Variants in BTBD7 observed in about 807,000 individuals in gnomAD.
BTBD7 encodes the protein BTB/POZ domain-containing protein 7.
In BTBD7, 38 loss-of-function variants were observed where a neutral mutation model predicts 99.9. The ratio of observed to expected loss-of-function variants is 0.38; its 90% CI spans 0.29 to 0.50. The LOEUF is 0.50. Ranked by LOEUF, BTBD7 falls within the 20% of genes least tolerant of loss-of-function variation. The pLI is 0.93. For synonymous variants in BTBD7, 520 were observed against 511.4 expected (o/e 1.02, Z -0.23); for missense variants, 1,170 against 1,394.6 (o/e 0.84, Z 2.57).
chr14:93,266,535 A>G (rs955301530), intron 3 of BTBD7, among the ~76,000 whole-genome samples: 1 of 152,218 alleles, frequency 6.6e-6, no homozygotes, highest in African/African-American at 2.4e-5. Context: ...GGAAACAGAC[A>G]GATGTTAAAA....
intron 4 of BTBD7, among the ~76,000 whole-genome samples, chr14:93,262,408 T>C (rs1461958533): frequency 6.6e-6 from 1 of 152,082 alleles, no homozygotes. Context: ...GGCTAATTTT[T>C]TTTTAAATTT....
chr14:93,289,363 CTCTGTCTTTTTAGT>C (rs1265344958), intron 3 of BTBD7, among the ~76,000 whole-genome samples: 1 of 152,238 alleles, frequency 6.6e-6, no homozygotes, highest in Non-Finnish European at 1.5e-5. Context: ...TTAAAATCAA[CTCTGTCTTTTTAGT>C]TCTATGCTAT....
Position 93,248,610 on chromosome 14 carries a change from C to T in BTBD7, c.1987G>A (p.Glu663Lys). The T allele has an allele frequency of 6.2e-7, 1 of 1,613,514 alleles. No homozygotes were observed. The highest frequency in any genetic ancestry group is 2.2e-5 in the East Asian group (1 of 44,884). ...TGCACCTGCTCCGTGTGCCGCAGTT[C>T]CTGCAGTCGTCTGACCATGTCTTTC... ...IMKDMVRRLQ[E>K]LRHTEQVQRA... Residue 663 changes from glutamate (E) to lysine (K), a missense_variant, in exon 9 of 11, where the codon GAA becomes AAA. This residue lies in a region of BTBD7 where 309 missense variants were observed against 342.0 expected (regional missense o/e 0.90). Coordinates refer to ENST00000334746, the MANE Select transcript of BTBD7 (RefSeq NM_001002860.4).
chr14:93,257,088 A>G, intron 6 of BTBD7, 107 bp downstream of exon 6: 1 of 1,119,150 alleles, frequency 8.9e-7, no homozygotes, highest in Non-Finnish European at 1.3e-6. Flanking sequence ...TCACAGAATT[A>G]CAGCTTCACA....
chr14:93,318,029 G>C (rs1297054378), intron 1 of BTBD7, among the ~76,000 whole-genome samples: 1 of 152,132 alleles, frequency 6.6e-6, no homozygotes, highest in African/African-American at 2.4e-5. Flanking sequence ...TTGCCCCATG[G>C]GCATTTTCGC....
At chr14:93,324,306 G>T (rs1413975741) in intron 1 of BTBD7, among the ~76,000 whole-genome samples, 4 of 151,862 alleles carry the variant, frequency 2.6e-5, no homozygotes, top group African/African-American at 9.7e-5. Flanking sequence ...AGGTGTGGTG[G>T]CTACTTCTCA....
intron 3 of BTBD7, among the ~76,000 whole-genome samples, chr14:93,269,191 A>G (rs2052574836): frequency 6.6e-6 from 1 of 152,242 alleles, no homozygotes; most frequent in Non-Finnish European, 1.5e-5. Flanking sequence ...AAGACAGATA[A>G]AAAACTGGAA....
At chr14:93,318,173 TC>T (rs113467531) in intron 1 of BTBD7, among the ~76,000 whole-genome samples, 1,722 of 152,324 alleles carry the variant, frequency 0.011, 30 homozygotes, top group African/African-American at 0.038. Context: ...TGATAAAATG[TC>T]TTTCTCTACT....
At chr14:93,331,245 A>T (rs1478089314) in intron 1 of BTBD7, among the ~76,000 whole-genome samples, 1 of 152,198 alleles carries the variant, frequency 6.6e-6, no homozygotes, top group Non-Finnish European at 1.5e-5. Context: ...ATCAATGAAA[A>T]GTAAGCAGCT....
At chr14:93,284,801 G>C (rs534997864) in intron 3 of BTBD7, among the ~76,000 whole-genome samples, 1 of 152,178 alleles carries the variant, frequency 6.6e-6, no homozygotes, top group East Asian at 1.9e-4. Flanking sequence ...TTAAAGGTTA[G>C]GGTAGAATTT....
intron 1 of BTBD7, among the ~76,000 whole-genome samples, chr14:93,311,747 T>TA (rs539493272): frequency 7.9e-6 from 1 of 126,720 alleles, no homozygotes; most frequent in Non-Finnish European, 1.6e-5. Context: ...TATTTTTAAT[T>TA]TTTTTTTTTT....
chr14:93,333,025 T>C lies in BTBD7; in HGVS notation c.-312A>G. The C allele has an allele frequency of 5.9e-6, 3 of 512,650 alleles. No individual in the cohort carries two copies. The highest frequency in any genetic ancestry group is 8.7e-5 in the Admixed American group (2 of 22,882). 31.8% of individuals were successfully genotyped at this position (512,650 alleles called of 1,614,324 possible). On this transcript the variant is annotated 5_prime_UTR_variant, in exon 1 of 11. Coordinates refer to ENST00000334746, the MANE Select transcript of BTBD7 (RefSeq NM_001002860.4). The stretch of plus-strand genomic sequence containing the variant: ...TTCCCCTCGCCGCCATTTTGACTCC[T>C]AGACGGAGCAGGAGGGGCTCGGTTC...
In BTBD7 at chr14:93,328,883, C is replaced by T. The variant is rs572663065; in HGVS notation, c.-107+3937G>A. Among the ~76,000 whole-genome samples, 14 of 152,236 alleles carry T rather than the reference C, an allele frequency of 9.2e-5. 1 individual carries two copies. The highest frequency in any genetic ancestry group is 3.1e-4 in the African/African-American group (13 of 41,536). On this transcript the variant is annotated intron_variant, in intron 1 of 10. Coordinates refer to ENST00000334746, the MANE Select transcript of BTBD7 (RefSeq NM_001002860.4). ...TGTGAGCCATAATCACACTAGTGTACTCCAGCCTTGGTGACAGACCCAGAA... is the reference window on the plus strand; with the variant it reads ...TGTGAGCCATAATCACACTAGTGTATTCCAGCCTTGGTGACAGACCCAGAA...
chr14:93,268,701 T>C (rs1214736836), intron 3 of BTBD7, among the ~76,000 whole-genome samples: 4 of 151,208 alleles, frequency 2.6e-5, no homozygotes, highest in African/African-American at 7.3e-5. Flanking sequence ...AAACATATCC[T>C]TCCTTCCCCT....
intron 1 of BTBD7, among the ~76,000 whole-genome samples, chr14:93,308,651 A>T (rs900194317): frequency 3.3e-5 from 5 of 152,200 alleles, no homozygotes; most frequent in African/African-American, 1.2e-4. Context: ...GTGTATACAT[A>T]GAGTAGATTA....
chr14:93,254,680 C>T (rs1426065416), intron 6 of BTBD7, among the ~76,000 whole-genome samples: 7 of 152,200 alleles, frequency 4.6e-5, no homozygotes, highest in Non-Finnish European at 1.0e-4. Context: ...TGAGGTATCC[C>T]TGTTGTTTCC....
intron 1 of BTBD7, among the ~76,000 whole-genome samples, chr14:93,319,759 T>C (rs1436605335): frequency 6.6e-6 from 1 of 152,178 alleles, no homozygotes; most frequent in East Asian, 1.9e-4. Flanking sequence ...AACAATAATG[T>C]ATTGTATACT....
At chr14:93,272,221 G>A (rs2052608645) in intron 3 of BTBD7, among the ~76,000 whole-genome samples, 1 of 152,116 alleles carries the variant, frequency 6.6e-6, no homozygotes, top group Non-Finnish European at 1.5e-5. Flanking sequence ...GGTAGAGATT[G>A]CAGTGAGCCA....
chr14:93,284,930 C>T (rs2052760334), intron 3 of BTBD7, among the ~76,000 whole-genome samples: 1 of 151,632 alleles, frequency 6.6e-6, no homozygotes, highest in South Asian at 2.1e-4. Flanking sequence ...ACAAAAGATG[C>T]AATATTATAT....
Sources: allele counts gnomAD v4.1 joint callset (sites outside exome capture counted in the v4.1 genomes callset), GRCh38; gene constraint gnomAD v4.1.1; regional missense constraint gnomAD v4.1.1; transcripts MANE v1.5; gene names NCBI Gene and HGNC (gene_info 2026-07-23, HGNC 2026-07-21).